KIT: variants seen among roughly 807,000 people sequenced by gnomAD.
KIT encodes the protein mast/stem cell growth factor receptor Kit.
A neutral mutation model predicts 105.7 loss-of-function variants in KIT; 16 were observed. That is an observed-to-expected ratio of 0.15 (90% CI 0.10 to 0.23). KIT has a LOEUF of 0.23. Ranked by LOEUF, KIT falls within the 10% of genes least tolerant of loss-of-function variation. The pLI, the probability that KIT is intolerant of heterozygous loss-of-function variation, is 1.00. For missense variants in KIT, 858 were observed against 1,213.8 expected (o/e 0.71, Z 4.36); for synonymous variants, 438 against 441.1 (o/e 0.99, Z 0.09).
At chr4:54,709,722 C>A in intron 7 of KIT, 183 bp downstream of exon 7, 3 of 668,426 alleles carry the variant, frequency 4.5e-6, no homozygotes, top group Non-Finnish European at 8.2e-6. Flanking sequence ...CCTTGTCCTA[C>A]ATTTCACTGA....
intron 15 of KIT, 98 bp downstream of exon 15, chr4:54,731,517 C>G: frequency 1.1e-6 from 1 of 887,796 alleles, no homozygotes; most frequent in East Asian, 2.5e-5. Flanking sequence ...AGCAATGATG[C>G]AGACCAGTTC....
chr4:54,734,122 A>G (rs1000732204), intron 17 of KIT, among the ~76,000 whole-genome samples: 6 of 152,214 alleles, frequency 3.9e-5, no homozygotes, highest in African/African-American at 1.4e-4. Context: ...GCTAGATATT[A>G]TCATCAGGAG....
Position 54,740,690 on chromosome 4 carries a change from TAATAA to T in KIT, c.*2137_*2141del, listed in dbSNP as rs2109825408. 1 of 230,892 alleles carries T rather than the reference TAATAA, an allele frequency of 4.3e-6. No homozygotes were observed. The highest frequency in any genetic ancestry group is 8.6e-6 in the Non-Finnish European group (1 of 116,318). 14.3% of individuals were successfully genotyped at this position (230,892 alleles called of 1,614,324 possible). On this transcript the variant is annotated 3_prime_UTR_variant, in exon 21 of 21. Coordinates refer to ENST00000288135, the MANE Select transcript of KIT (RefSeq NM_000222.3). ...AATTGTTGACAGTTCTGAAGAATTCTAATAAAATGTACATATATAAATCAAGTGGA... is the reference window on the plus strand; with the variant it reads ...AATTGTTGACAGTTCTGAAGAATTCTAATGTACATATATAAATCAAGTGGA...
chr4:54,674,496 T>G (rs1268200628), intron 1 of KIT, among the ~76,000 whole-genome samples: 1 of 152,098 alleles, frequency 6.6e-6, no homozygotes, highest in East Asian at 1.9e-4. Flanking sequence ...TCTCTGTCAG[T>G]TTTTATGGTT....
At chr4:54,710,833 G>T (rs150154764) in intron 7 of KIT, among the ~76,000 whole-genome samples, 2 of 152,052 alleles carry the variant, frequency 1.3e-5, no homozygotes, top group African/African-American at 2.4e-5. Context: ...GAGCCACCGC[G>T]CCCAGCTAGA....
At chr4:54,660,171 A>G (rs548243865) in intron 1 of KIT, among the ~76,000 whole-genome samples, 2 of 152,268 alleles carry the variant, frequency 1.3e-5, no homozygotes, top group South Asian at 4.2e-4. Context: ...CTCACAGGGA[A>G]GTCATAGAGT....
intron 1 of KIT, among the ~76,000 whole-genome samples, chr4:54,675,343 C>A (rs1244034358): frequency 6.6e-6 from 1 of 152,138 alleles, no homozygotes; most frequent in Non-Finnish European, 1.5e-5. Flanking sequence ...CTCTTGTTTT[C>A]CACAAAAAGA....
chr4:54,709,547 A>G lies in KIT; in HGVS notation c.1231+8A>G, dbSNP rs776973839. On this transcript the variant is annotated splice_region_variant and intron_variant, in intron 7 of 20. Coordinates refer to ENST00000288135, the MANE Select transcript of KIT (RefSeq NM_000222.3). ...TTAATGTTTATGTGAATAGTAAGTA[A>G]CATGAAGGGCTCCTTTTAATTTTTT... is the stretch of plus-strand genomic sequence containing the variant. The G allele has an allele frequency of 1.3e-6, 2 of 1,497,484 alleles. No homozygotes were observed. Among genetic ancestry groups the G allele is most frequent in the African/African-American group, 1.4e-5 (1 of 72,638 alleles). 92.8% of individuals were successfully genotyped at this position (1,497,484 alleles called of 1,614,324 possible). A position where few individuals can be genotyped will look rare whatever the true frequency, so the allele number is the denominator to read the frequency against.
intron 4 of KIT, among the ~76,000 whole-genome samples, chr4:54,702,019 C>T (rs1210801588): frequency 6.6e-6 from 1 of 152,126 alleles, no homozygotes; most frequent in Non-Finnish European, 1.5e-5. Flanking sequence ...AAAGTTAAGA[C>T]TAGTGATGCT....
chr4:54,714,791 T>C (rs1721363955), intron 7 of KIT, among the ~76,000 whole-genome samples: 1 of 152,232 alleles, frequency 6.6e-6, no homozygotes, highest in Admixed American at 6.5e-5. Context: ...GCTTATCCTT[T>C]AATGACGAGC....
chr4:54,718,267 A>G (rs2237014), intron 7 of KIT, among the ~76,000 whole-genome samples: 18,672 of 151,926 alleles, frequency 0.12, 1,285 homozygotes, highest in African/African-American at 0.17. Context: ...TGCCTGGCTT[A>G]TTTTTGTATT....
At chr4:54,715,871 C>T (rs76272262) in intron 7 of KIT, among the ~76,000 whole-genome samples, 8,749 of 152,258 alleles carry the variant, frequency 0.057, 332 homozygotes, top group East Asian at 0.22. Flanking sequence ...AAAATAATAA[C>T]GGCAGTCTTG....
At chr4:54,660,771 T>C (rs1248105020) in intron 1 of KIT, among the ~76,000 whole-genome samples, 2 of 152,140 alleles carry the variant, frequency 1.3e-5, no homozygotes, top group South Asian at 2.1e-4. Flanking sequence ...CCTGATGAGA[T>C]TGGCTGCATG....
chr4:54,735,249 C>G (rs996225953), intron 17 of KIT, among the ~76,000 whole-genome samples: 3 of 151,794 alleles, frequency 2.0e-5, no homozygotes, highest in African/African-American at 7.3e-5. Context: ...GAATTTGACA[C>G]CCATAGATCT....
intron 1 of KIT, among the ~76,000 whole-genome samples, chr4:54,691,758 G>A (rs555062930): frequency 3.7e-4 from 57 of 152,112 alleles, no homozygotes; most frequent in Middle Eastern, 6.8e-3. Flanking sequence ...GGTGGGTGGC[G>A]GCTGGCGGGG....
At position 54,703,972 on chromosome 4, in the gene KIT, A is replaced by C. The variant is rs1720623271; in HGVS notation, c.925+80A>C. ...ATTAGACAGTTTCTTTTTTATGTAAATGGAATGTTGAACAGATTCTTAGAA... is the reference window on the plus strand; with the variant it reads ...ATTAGACAGTTTCTTTTTTATGTAACTGGAATGTTGAACAGATTCTTAGAA... On this transcript the variant is annotated intron_variant, in intron 5 of 20. Coordinates refer to ENST00000288135, the MANE Select transcript of KIT (RefSeq NM_000222.3). 4 of 1,115,068 alleles carry C rather than the reference A, an allele frequency of 3.6e-6. No homozygotes were observed. The South Asian group carries it at 5.0e-5, about 14-fold the overall frequency. 69.1% of individuals were successfully genotyped at this position (1,115,068 alleles called of 1,614,324 possible).
At chr4:54,721,746 A>C (rs1721893133) in intron 7 of KIT, among the ~76,000 whole-genome samples, 1 of 152,180 alleles carries the variant, frequency 6.6e-6, no homozygotes, top group Non-Finnish European at 1.5e-5. Flanking sequence ...AAACTTCCTA[A>C]GTTTCTGATC....
rs55848909 is a variant in KIT, at chr4:54,695,050, A to G, written c.68-462A>G. Among the ~76,000 whole-genome samples, 834 of 152,338 alleles carry G rather than the reference A, an allele frequency of 5.5e-3. 7 individuals carry two copies. Among genetic ancestry groups the G allele is most frequent in the African/African-American group, 0.019 (810 of 41,574 alleles). On this transcript the variant is annotated intron_variant, in intron 1 of 20. Transcript: ENST00000288135. ...GTTATACAGAAATAACTGAATTCACACAGTTTTAAGGAAAAGCTATTCTAT... is the reference window on the plus strand; with the variant it reads ...GTTATACAGAAATAACTGAATTCACGCAGTTTTAAGGAAAAGCTATTCTAT...
chr4:54,670,871 C>T (rs191748529), intron 1 of KIT, among the ~76,000 whole-genome samples: 3 of 152,276 alleles, frequency 2.0e-5, no homozygotes, highest in South Asian at 4.1e-4. Context: ...TAGGCCAGAT[C>T]CTTTGTGTCC....
Sources: gnomAD v4.1 joint callset for allele counts (sites outside exome capture counted in the v4.1 genomes callset) on GRCh38, gnomAD v4.1.1 for gene constraint, MANE v1.5 for transcripts, NCBI Gene and HGNC (gene_info 2026-07-23, HGNC 2026-07-21) for gene names.